The following TEX14 variants were observed in gnomAD, a reference collection of about 807,000 sequenced individuals.
The protein encoded by TEX14 is inactive serine/threonine-protein kinase TEX14.
In TEX14, 168 loss-of-function variants were observed where a neutral mutation model predicts 178.6. That is an observed-to-expected ratio of 0.94 (90% CI 0.83 to 1.07). TEX14 has a LOEUF of 1.07. TEX14 is among the 50% of genes least tolerant of loss of function. TEX14 has a pLI of 0.00. For missense variants in TEX14, 1,730 were observed against 1,753.6 expected (o/e 0.99, Z 0.24); for synonymous variants, 626 against 634.1 (o/e 0.99, Z 0.19).
Position 58,561,551 on chromosome 17 carries a change from C to T in TEX14, c.4126G>A (p.Glu1376Lys), listed in dbSNP as rs1251461484. The T allele has an allele frequency of 6.2e-7, 1 of 1,613,924 alleles. No homozygotes were observed. The highest frequency in any genetic ancestry group is 8.5e-7 in the Non-Finnish European group (1 of 1,179,798). The change falls in exon 29 of 32, where the codon GAG becomes AAG. Residue 1376 changes from glutamate (E) to lysine (K), a missense_variant. Physicochemically the swap from Glu to Lys is moderately conservative, Grantham distance 56. Coordinates refer to ENST00000349033, the MANE Select transcript of TEX14 (RefSeq NM_031272.5). Reference protein sequence around the residue: ...RWLQPPEESVELQDLPKGSER... With the variant: ...RWLQPPEESVKLQDLPKGSER... The stretch of plus-strand genomic sequence containing the variant: ...GAGCCCTTGGGAAGGTCTTGTAGCT[C>T]CACGCTCTCCTCAGGTGGCTGCAGC...
chr17:58,631,695 T>A (rs1034478048), intron 2 of TEX14: 1 of 151,398 alleles, frequency 6.6e-6, no homozygotes, highest in African/African-American at 2.4e-5. Context: ...AAACAGCAGT[T>A]AGAATAACGC....
At chr17:58,591,686 T>C (rs1330468104) in intron 15 of TEX14, among the ~76,000 whole-genome samples, 5 of 149,782 alleles carry the variant, frequency 3.3e-5, no homozygotes, top group South Asian at 2.1e-4. Context: ...TTCAAAGTTG[T>C]GGATTAGTGC....
chr17:58,683,017 C>T (rs1432079118), intron 1 of TEX14, among the ~76,000 whole-genome samples: 2 of 146,056 alleles, frequency 1.4e-5, no homozygotes, highest in African/African-American at 2.6e-5. Flanking sequence ...CGCGCCATTG[C>T]ACTCCAGCCT....
intron 1 of TEX14, among the ~76,000 whole-genome samples, chr17:58,656,318 G>A (rs1381602135): frequency 6.6e-6 from 1 of 152,002 alleles, no homozygotes; most frequent in South Asian, 2.1e-4. Flanking sequence ...GGTGGCGGGC[G>A]CCTGTAGTCC....
intron 1 of TEX14, chr17:58,659,224 G>C (rs991405948): frequency 9.2e-6 from 2 of 218,532 alleles, no homozygotes; most frequent in African/African-American, 9.6e-5. Context: ...GAAATCGCGG[G>C]AGCAAACACA....
At chr17:58,658,943 G>T (rs1171392333) in intron 1 of TEX14, among the ~76,000 whole-genome samples, 1 of 151,562 alleles carries the variant, frequency 6.6e-6, no homozygotes, top group Non-Finnish European at 1.5e-5. Context: ...GCACAGGTGC[G>T]TACCACATCA....
At chr17:58,628,146 A>C (rs1567744898) in intron 3 of TEX14, among the ~76,000 whole-genome samples, 1 of 152,090 alleles carries the variant, frequency 6.6e-6, no homozygotes, top group Non-Finnish European at 1.5e-5. Context: ...GAAACACAAC[A>C]AAATGTTCAT....
At chr17:58,609,587 G>C (rs1318854697) in intron 10 of TEX14, among the ~76,000 whole-genome samples, 2 of 152,006 alleles carry the variant, frequency 1.3e-5, no homozygotes, top group Non-Finnish European at 2.9e-5. Flanking sequence ...ACCCTATACT[G>C]TTCAAAAATG....
At chr17:58,635,979 A>G (rs988014057) in intron 2 of TEX14, among the ~76,000 whole-genome samples, 1 of 152,106 alleles carries the variant, frequency 6.6e-6, no homozygotes, top group Non-Finnish European at 1.5e-5. Context: ...TCCCGACCTC[A>G]GGTGATCCAC....
intron 15 of TEX14, among the ~76,000 whole-genome samples, 165 bp from the exon 16 acceptor site, chr17:58,588,186 C>T (rs2045028770): frequency 6.6e-6 from 1 of 152,176 alleles, no homozygotes; most frequent in African/African-American, 2.4e-5. Context: ...GTTGCAGAGC[C>T]TCCCCTGCAA....
At chr17:58,580,842 T>C (rs1219673888) in intron 19 of TEX14, among the ~76,000 whole-genome samples, 2 of 152,128 alleles carry the variant, frequency 1.3e-5, no homozygotes, top group Non-Finnish European at 2.9e-5. Context: ...CTTGGTATAT[T>C]GGACAGTCTC....
chr17:58,622,769 G>A (rs985196972), intron 4 of TEX14, 78 bp downstream of exon 4: 11 of 1,438,930 alleles, frequency 7.6e-6, no homozygotes, highest in Non-Finnish European at 9.6e-6. Context: ...TGTACGCTCT[G>A]TGCTGACCAC....
At chr17:58,649,741 A>T (rs1199316965) in intron 2 of TEX14, among the ~76,000 whole-genome samples, 2 of 151,954 alleles carry the variant, frequency 1.3e-5, no homozygotes, top group Non-Finnish European at 2.9e-5. Flanking sequence ...TTTATTTTTT[A>T]TTTATTTATT....
rs754000507 is a variant in TEX14 at position 58,586,055 on chromosome 17, G to A, written c.2816C>T (p.Ala939Val). The A allele has an allele frequency of 1.2e-6, 2 of 1,612,756 alleles. No individual in the cohort carries two copies. The highest frequency in any genetic ancestry group is 3.3e-5 in the Admixed American group (2 of 59,960). The change falls in exon 18 of 32, where the codon GCA becomes GTA. Residue 939 changes from alanine (A) to valine (V), a missense_variant. Around this residue, in one of 2 missense-constraint regions of TEX14, gnomAD observed 941 missense variants for 1,072.4 expected, o/e 0.88. Transcript: ENST00000349033. ...KMEVKEMAKK[A>V]ATGQLTVPPW... The stretch of plus-strand genomic sequence containing the variant: ...AGGTACTGTGAGCTGTCCAGTAGCT[G>A]CTTTCTTTGCCATTTCTTTCACCTC...
At chr17:58,590,691 G>C (rs1167972426) in intron 15 of TEX14, among the ~76,000 whole-genome samples, 1 of 151,828 alleles carries the variant, frequency 6.6e-6, no homozygotes, top group Non-Finnish European at 1.5e-5. Flanking sequence ...AGTAGGAGAG[G>C]GTGTGGGTCT....
chr17:58,689,723 T>C (rs2047659786), intron 1 of TEX14, among the ~76,000 whole-genome samples: 1 of 152,194 alleles, frequency 6.6e-6, no homozygotes, highest in Non-Finnish European at 1.5e-5. Context: ...TAGCTTTGTT[T>C]AGTTCCTAGT....
chr17:58,568,133 G>C (rs1459278399), intron 26 of TEX14, among the ~76,000 whole-genome samples: 1 of 152,232 alleles, frequency 6.6e-6, no homozygotes, highest in African/African-American at 2.4e-5. Flanking sequence ...GGGAATCCCA[G>C]ATATGGAAAG....
chr17:58,608,472 C>T (rs2045666977), intron 10 of TEX14, among the ~76,000 whole-genome samples: 1 of 149,396 alleles, frequency 6.7e-6, no homozygotes, highest in African/African-American at 2.5e-5. Flanking sequence ...GTCCCAGCTA[C>T]TCAGGAAGCT....
At chr17:58,616,427 A>T in intron 6 of TEX14, 122 bp from the exon 7 acceptor site, 14 of 1,190,710 alleles carry the variant, frequency 1.2e-5, no homozygotes, top group African/African-American at 3.4e-5. Flanking sequence ...GAATACCCCT[A>T]TGCACTGGGC....
Sources: allele counts gnomAD v4.1 joint callset (sites outside exome capture counted in the v4.1 genomes callset), GRCh38; gene constraint gnomAD v4.1.1; regional missense constraint gnomAD v4.1.1; transcripts MANE v1.5; gene names NCBI Gene and HGNC (gene_info 2026-07-23, HGNC 2026-07-21).